The following MED23 variants were observed in gnomAD, a reference collection of about 807,000 sequenced individuals.
MED23 encodes mediator of RNA polymerase II transcription subunit 23.
A neutral mutation model predicts 163.9 loss-of-function variants in MED23; 105 were observed. The observed-to-expected ratio is 0.64, with a 90% confidence interval of 0.55 to 0.75. MED23 has a LOEUF of 0.75. Ranked by LOEUF, MED23 falls within the 30% of genes least tolerant of loss-of-function variation. MED23 has a pLI of 0.00. For missense variants in MED23, 1,054 were observed against 1,649.0 expected (o/e 0.64, Z 6.25); for synonymous variants, 561 against 565.6 (o/e 0.99, Z 0.12).
intron 9 of MED23, 118 bp downstream of exon 9, chr6:131,618,289 C>T (rs918363316): frequency 1.3e-6 from 1 of 761,432 alleles, no homozygotes; most frequent in Non-Finnish European, 2.3e-6. Context: ...TATAAACTAT[C>T]TTTCATTAAA....
At position 131,587,846 on chromosome 6, in the gene MED23, C is replaced by A; in HGVS notation, c.3940G>T (p.Val1314Leu). The change falls in exon 29 of 29, where the codon GTA (valine) becomes TTA (leucine). Residue 1314 changes from valine (V) to leucine (L), a missense_variant and splice_region_variant. By Grantham distance (32) the Val-to-Leu change is conservative. Coordinates refer to ENST00000368068, the MANE Select transcript of MED23 (RefSeq NM_004830.4). ...MFTGDSVKEQ[V>L]EKIICNLKPA... ...TTTAAGTTACAGATAATCTTCTCTA[C>A]CTAAGAAATAAAAACACATTAAAAC... 6.2e-7 allele frequency: 1 copy of A among 1,610,564 alleles called. No homozygotes were observed. Among genetic ancestry groups the A allele is most frequent in the Non-Finnish European group, 8.5e-7 (1 of 1,177,782 alleles).
chr6:131,608,174 G>A (rs1775997463), intron 11 of MED23, 103 bp from the exon 12 acceptor site: 1 of 1,279,364 alleles, frequency 7.8e-7, no homozygotes, highest in Non-Finnish European at 1.1e-6. Context: ...GAGAAACCTG[G>A]TTCTTGCTCT....
chr6:131,586,138 G>A (rs1774167087), downstream of MED23, among the ~76,000 whole-genome samples: 2 of 152,328 alleles, frequency 1.3e-5, no homozygotes, highest in Non-Finnish European at 1.5e-5. Context: ...GCTCACGCCT[G>A]TAATCCCAGC....
Position 131,594,016 on chromosome 6 carries a change from A to C in MED23, c.3232+83T>G, listed in dbSNP as rs1774853291. The C allele has an allele frequency of 5.0e-6, 6 of 1,201,760 alleles. 1 individual carries two copies. Among genetic ancestry groups the C allele is most frequent in the Non-Finnish European group, 7.1e-6 (6 of 845,318 alleles). 74.4% of individuals were successfully genotyped at this position (1,201,760 alleles called of 1,614,324 possible). On this transcript the variant is annotated intron_variant, in intron 23 of 28. Transcript: ENST00000368068. ...AATTAAAACCTTGAAATACATAAAA[A>C]ATTACTTTAAAAGAAAAAATATATT... is the stretch of plus-strand genomic sequence containing the variant.
chr6:131,627,094 C>G (rs1026431797), intron 3 of MED23: 1 of 307,216 alleles, frequency 3.3e-6, no homozygotes, highest in Non-Finnish European at 6.0e-6. Flanking sequence ...TATCTGTTTT[C>G]AAGTGTACCA....
At chr6:131,626,241 G>A (rs1333056450) in intron 3 of MED23, among the ~76,000 whole-genome samples, 1 of 151,288 alleles carries the variant, frequency 6.6e-6, no homozygotes, top group Middle Eastern at 3.2e-3. Context: ...AAACTGATAA[G>A]GCTTTTGACT....
At chr6:131,603,432 T>C (rs919186104) in intron 15 of MED23, among the ~76,000 whole-genome samples, 4 of 152,202 alleles carry the variant, frequency 2.6e-5, no homozygotes, top group Admixed American at 1.3e-4. Context: ...TGGCAATTGA[T>C]AATCATGTTT....
chr6:131,581,309 A>G, intron 30 of MED23: 1 of 1,613,960 alleles, frequency 6.2e-7, no homozygotes, highest in Non-Finnish European at 8.5e-7. Flanking sequence ...TCAACACTCC[A>G]CTGACAACCA....
intron 30 of MED23, chr6:131,576,623 C>A: frequency 1.3e-6 from 2 of 1,559,378 alleles, no homozygotes; most frequent in South Asian, 1.1e-5. Flanking sequence ...ATCTGATGGT[C>A]ATGATAATGT....
At position 131,574,473 on chromosome 6, in the gene MED23, C is replaced by G. The variant is rs527680991; in HGVS notation, c.4096-178G>C. 8.5e-5 allele frequency among the ~76,000 whole-genome samples: 13 copies of G among 152,276 alleles called. 1 individual carries two copies. The highest frequency in any genetic ancestry group is 7.8e-4 in the Admixed American group (12 of 15,300). On this transcript the variant is annotated intron_variant, in intron 30 of 30. Transcript: ENST00000354577. ...CACACTGTTCTCACCCACTCTTGAA[C>G]AGGTTATAATAAATATATAATTTAA...
Position 131,608,032 on chromosome 6 carries a change from T to G in MED23, c.1117A>C (p.Met373Leu). The change falls in exon 12 of 29, where the codon ATG becomes CTG. Residue 373 changes from methionine (M) to leucine (L), a missense_variant. Coordinates refer to ENST00000368068, the MANE Select transcript of MED23 (RefSeq NM_004830.4). Reference sequence around the variant, plus strand: ...GAAATGAATTGCAGGAGAACCCACATAAGATGATCTCTGCCTTTAATCAGT... The same window carrying G: ...GAAATGAATTGCAGGAGAACCCACAGAAGATGATCTCTGCCTTTAATCAGT... ...RGLIKGRDHL[M>L]WVLLQFISGS... 6.2e-7 allele frequency: 1 copy of G among 1,613,914 alleles called. No individual in the cohort carries two copies. The highest frequency in any genetic ancestry group is 8.5e-7 in the Non-Finnish European group (1 of 1,179,886).
rs773890728 is a variant in MED23 at position 131,619,866 on chromosome 6, C to T, written c.628G>A (p.Asp210Asn). The stretch of plus-strand genomic sequence containing the variant: ...ATCCTTGCTGTGGGCCTGAAGGTAT[C>T]CACAAAGTCTGATACTAGGTTTCCA... ...LLGNLVSDFVDTFRPTARINS... is the reference protein window; with the variant it reads ...LLGNLVSDFVNTFRPTARINS... Residue 210 changes from aspartate to asparagine, a missense_variant, in exon 8 of 29, where the codon GAT becomes AAT. By Grantham distance (23) the Asp-to-Asn change is conservative. Transcript: ENST00000368068. 8 of 1,611,812 alleles carry T rather than the reference C, an allele frequency of 5.0e-6. No individual in the cohort carries two copies. The highest frequency in any genetic ancestry group is 1.7e-4 in the Middle Eastern group (1 of 6,058).
At chr6:131,613,846 G>A (rs3822868) in intron 10 of MED23, among the ~76,000 whole-genome samples, 22,195 of 151,850 alleles carry the variant, frequency 0.15, 2,055 homozygotes, top group East Asian at 0.33. Context: ...ACTCTCAATT[G>A]TTTTGTCAAT....
chr6:131,593,174 G>A lies in MED23; in HGVS notation c.3233-3C>T. On this transcript the variant is annotated splice_polypyrimidine_tract_variant and splice_region_variant and intron_variant, in intron 23 of 28. Coordinates refer to ENST00000368068, the MANE Select transcript of MED23 (RefSeq NM_004830.4). ...ACCAGGAGATTTGCCAGCCATCGGT[G>A]CACACAGTTAAAGCAATAACAATTG... 1.9e-6 allele frequency: 3 copies of A among 1,614,074 alleles called. No individual in the cohort carries two copies. The highest frequency in any genetic ancestry group is 2.5e-6 in the Non-Finnish European group (3 of 1,179,972).
intron 15 of MED23, among the ~76,000 whole-genome samples, chr6:131,603,734 A>G (rs1775656022): frequency 6.8e-6 from 1 of 148,120 alleles, no homozygotes; most frequent in African/African-American, 2.4e-5. Flanking sequence ...GAAAGTATCT[A>G]TTATTTTAGA....
At chr6:131,615,273 A>G in intron 10 of MED23, 1 of 1,599,930 alleles carries the variant, frequency 6.3e-7, no homozygotes, top group Non-Finnish European at 8.6e-7. Context: ...GTGGCTACAA[A>G]GCGGCCAGCG....
chr6:131,615,193 T>G, intron 10 of MED23: 1 of 824,268 alleles, frequency 1.2e-6, no homozygotes. Context: ...CGTTTTTTAG[T>G]GGCCTTGGTC....
chr6:131,617,358 GA>G lies in MED23; in HGVS notation c.780+1048del, dbSNP rs770611525. On this transcript the variant is annotated intron_variant, in intron 9 of 28. Transcript: ENST00000368068. ...CCTTAGGTGGATGGACGGATAGATAGAAAAAAAAAAACACTTCATATACCGA... is the reference window on the plus strand; with the variant it reads ...CCTTAGGTGGATGGACGGATAGATAGAAAAAAAAAACACTTCATATACCGA... 1.0e-3 allele frequency among the ~76,000 whole-genome samples: 133 copies of G among 132,388 alleles called. 1 individual carries two copies. Among genetic ancestry groups the G allele is most frequent in the African/African-American group, 2.6e-3 (92 of 36,056 alleles). 86.9% of individuals were successfully genotyped at this position (132,388 alleles called of 152,430 possible).
chr6:131,594,609 C>A (rs1774901961), intron 22 of MED23, among the ~76,000 whole-genome samples: 1 of 152,000 alleles, frequency 6.6e-6, no homozygotes, highest in Non-Finnish European at 1.5e-5. Flanking sequence ...AATTTTAATC[C>A]CTTGACATAC....
Sources: gnomAD v4.1 joint callset for allele counts (sites outside exome capture counted in the v4.1 genomes callset) on GRCh38, gnomAD v4.1.1 for gene constraint, MANE v1.5 for transcripts, NCBI Gene and HGNC (gene_info 2026-07-23, HGNC 2026-07-21) for gene names.